The following MGAT5 variants were observed in gnomAD, a reference collection of about 807,000 sequenced individuals.
MGAT5 encodes alpha-1,6-mannosylglycoprotein 6-beta-N-acetylglucosaminyltransferase A.
Under a neutral mutation model 94.3 loss-of-function variants are expected in MGAT5, and 30 were observed. That is an observed-to-expected ratio of 0.32 (90% CI 0.24 to 0.43). MGAT5 has a LOEUF of 0.43. Ranked by LOEUF, MGAT5 falls within the 20% of genes least tolerant of loss-of-function variation. MGAT5 has a pLI of 1.00. For synonymous variants in MGAT5, 310 were observed against 322.9 expected, an observed-to-expected ratio of 0.96 and a Z score of 0.43; for missense variants, 691 against 905.5, an observed-to-expected ratio of 0.76 and a Z score of 3.04.
intron 10 of MGAT5, among the ~76,000 whole-genome samples, chr2:134,370,431 G>A (rs1264654193): frequency 6.6e-6 from 1 of 152,214 alleles, no homozygotes; most frequent in East Asian, 1.9e-4. Flanking sequence ...CAGTTTTGTT[G>A]GATTTACTGG....
chr2:134,315,183 C>G (rs1686926811), intron 2 of MGAT5, among the ~76,000 whole-genome samples: 1 of 152,166 alleles, frequency 6.6e-6, no homozygotes, highest in Admixed American at 6.5e-5. Context: ...CCTACCACAC[C>G]ACCATGTCAG....
At chr2:134,319,376 T>C (rs1199503617) in intron 4 of MGAT5, among the ~76,000 whole-genome samples, 1 of 152,166 alleles carries the variant, frequency 6.6e-6, no homozygotes, top group Non-Finnish European at 1.5e-5. Flanking sequence ...AGGAGGATCA[T>C]TCAGCTTGGG....
At chr2:134,240,388 G>A (rs1276920751) in intron 1 of MGAT5, among the ~76,000 whole-genome samples, 2 of 148,014 alleles carry the variant, frequency 1.4e-5, no homozygotes, top group Non-Finnish European at 3.0e-5. Flanking sequence ...TTGTATGTTT[G>A]AAGGACATAA....
At chr2:134,208,463 G>A (rs1680128290) in intron 1 of MGAT5, among the ~76,000 whole-genome samples, 2 of 152,160 alleles carry the variant, frequency 1.3e-5, no homozygotes, top group African/African-American at 4.8e-5. Flanking sequence ...TTGACCATCA[G>A]CCAGAATTTG....
At chr2:134,272,159 T>TC (rs1458988691) in intron 2 of MGAT5, among the ~76,000 whole-genome samples, 2 of 152,158 alleles carry the variant, frequency 1.3e-5, no homozygotes, top group Non-Finnish European at 2.9e-5. Flanking sequence ...GAGCACAGGG[T>TC]CGTGGGTACA....
Position 134,337,392 on chromosome 2 carries a change from C to T in MGAT5, c.646-867C>T, listed in dbSNP as rs76974485. Among the ~76,000 whole-genome samples, 457 of 152,174 alleles carry T rather than the reference C, an allele frequency of 3.0e-3. 3 individuals carry two copies. Among genetic ancestry groups the T allele is most frequent in the Middle Eastern group, 0.014 (4 of 294 alleles). The stretch of plus-strand genomic sequence containing the variant: ...TGGAAGGCTGAGGTGACAAGAGGAT[C>T]GCTTGAGCGCAAGTTCAAGGCTCCA... On this transcript the variant is annotated intron_variant, in intron 5 of 15. Coordinates refer to ENST00000281923, the MANE Select transcript of MGAT5 (RefSeq NM_002410.5).
chr2:134,342,769 T>C (rs1024496373), intron 7 of MGAT5, among the ~76,000 whole-genome samples: 1 of 151,976 alleles, frequency 6.6e-6, no homozygotes, highest in African/African-American at 2.4e-5. Flanking sequence ...TGGCTGCATT[T>C]ATACAGTTAG....
In MGAT5 at chr2:134,137,474, G is replaced by C. The variant is rs190877221; in HGVS notation, c.-143+17183G>C. On this transcript the variant is annotated intron_variant, in intron 1 of 16. Coordinates refer to the MGAT5 transcript ENST00000409645. ...ATAGGAAATGACTCTGTCCACAGAA[G>C]AGCTTATTGTACTGCACCTCGTCAG... Among the ~76,000 whole-genome samples, 45 of 152,308 alleles carry C rather than the reference G, an allele frequency of 3.0e-4. 1 individual carries two copies. Among genetic ancestry groups the C allele is most frequent in the African/African-American group, 9.9e-4 (41 of 41,566 alleles).
At chr2:134,250,861 T>C (rs3762484), upstream of MGAT5, among the ~76,000 whole-genome samples, 10,129 of 152,282 alleles carry the variant, frequency 0.067, 509 homozygotes, top group Middle Eastern at 0.29. Context: ...TTTGCGCCTC[T>C]GATACACCAT....
chr2:134,167,365 C>A (rs1459631993), intron 1 of MGAT5, among the ~76,000 whole-genome samples: 1 of 152,202 alleles, frequency 6.6e-6, no homozygotes, highest in Admixed American at 6.5e-5. Flanking sequence ...GAAGTAATGG[C>A]CCAGCCCACA....
At chr2:134,224,336 C>T (rs1680943211) in intron 1 of MGAT5, among the ~76,000 whole-genome samples, 1 of 152,162 alleles carries the variant, frequency 6.6e-6, no homozygotes. Context: ...GAGTGATAAC[C>T]TGTGTCTTTA....
At chr2:134,252,630 G>T (rs143115197), upstream of MGAT5, among the ~76,000 whole-genome samples, 1 of 152,246 alleles carries the variant, frequency 6.6e-6, no homozygotes, top group African/African-American at 2.4e-5. Context: ...ACTGAGTTTG[G>T]GACCACATTT....
At chr2:134,282,295 G>A (rs1456287011) in intron 2 of MGAT5, among the ~76,000 whole-genome samples, 2 of 152,234 alleles carry the variant, frequency 1.3e-5, no homozygotes, top group African/African-American at 4.8e-5. Flanking sequence ...CGGGCTGGGT[G>A]TACGGAGCTG....
intron 1 of MGAT5, among the ~76,000 whole-genome samples, chr2:134,262,155 A>C (rs978011637): frequency 4.6e-5 from 7 of 152,246 alleles, no homozygotes; most frequent in Admixed American, 3.3e-4. Context: ...TGTTGTAAGG[A>C]TTACAAATGA....
intron 1 of MGAT5, among the ~76,000 whole-genome samples, chr2:134,131,471 CAGTG>C (rs1472214902): frequency 6.6e-6 from 1 of 151,436 alleles, no homozygotes; most frequent in African/African-American, 2.4e-5. Context: ...GGCAAAAACA[CAGTG>C]AGAAATGGTA....
At chr2:134,325,505 T>C (rs532850108) in intron 4 of MGAT5, among the ~76,000 whole-genome samples, 1 of 152,120 alleles carries the variant, frequency 6.6e-6, no homozygotes, top group Admixed American at 6.6e-5. Flanking sequence ...CCTCCTCTGC[T>C]TCATTATTTT....
At chr2:134,401,230 G>A (rs1320220564) in intron 10 of MGAT5, among the ~76,000 whole-genome samples, 6 of 151,916 alleles carry the variant, frequency 3.9e-5, no homozygotes, top group African/African-American at 7.3e-5. Flanking sequence ...CAACCCACCC[G>A]CCAAAACTGG....
intron 1 of MGAT5, among the ~76,000 whole-genome samples, chr2:134,180,217 AT>A (rs763075878): frequency 2.0e-5 from 3 of 152,188 alleles, no homozygotes; most frequent in Non-Finnish European, 4.4e-5. Flanking sequence ...TGGAGTAGCC[AT>A]TCTTTTGTTT....
At chr2:134,384,300 T>C (rs1681829596) in intron 10 of MGAT5, among the ~76,000 whole-genome samples, 1 of 151,704 alleles carries the variant, frequency 6.6e-6, no homozygotes, top group African/African-American at 2.4e-5. Context: ...TCTCCGGGCA[T>C]ACAATGCTCT....
Sources: gnomAD v4.1 joint callset for allele counts (sites outside exome capture counted in the v4.1 genomes callset) on GRCh38, gnomAD v4.1.1 for gene constraint, MANE v1.5 for transcripts, NCBI Gene and HGNC (gene_info 2026-07-23, HGNC 2026-07-21) for gene names.